The following LEKR1 variants were observed in gnomAD, a reference collection of about 807,000 sequenced individuals.
LEKR1 encodes protein LEKR1.
Under a neutral mutation model 72.4 loss-of-function variants are expected in LEKR1, and 59 were observed. That is an observed-to-expected ratio of 0.82 (90% CI 0.66 to 1.01). LEKR1 has a LOEUF of 1.01. LEKR1 is among the 50% of genes least tolerant of loss of function. The pLI, the probability that LEKR1 is intolerant of heterozygous loss-of-function variation, is 0.00. For missense variants in LEKR1, 728 were observed against 759.2 expected (o/e 0.96, Z 0.48); for synonymous variants, 257 against 263.2 (o/e 0.98, Z 0.23).
chr3:156,950,338 A>G (rs1207491794), intron 6 of LEKR1, among the ~76,000 whole-genome samples: 3 of 151,506 alleles, frequency 2.0e-5, no homozygotes, highest in Non-Finnish European at 4.4e-5. Context: ...TTGATTCCAT[A>G]TGAATTTTTA....
intron 3 of LEKR1, among the ~76,000 whole-genome samples, chr3:156,890,928 C>A (rs564969495): frequency 2.1e-4 from 32 of 148,842 alleles, no homozygotes; most frequent in African/African-American, 7.9e-4. Context: ...GGCATGATCT[C>A]GGCTCACTGC....
intron 6 of LEKR1, among the ~76,000 whole-genome samples, chr3:156,958,874 G>C (rs1727878661): frequency 6.6e-6 from 1 of 151,956 alleles, no homozygotes; most frequent in Non-Finnish European, 1.5e-5. Context: ...AATTTCTCTA[G>C]TTCCAATTAT....
At chr3:156,846,697 G>A (rs62273956) in intron 2 of LEKR1, among the ~76,000 whole-genome samples, 4,845 of 152,204 alleles carry the variant, frequency 0.032, 118 homozygotes, top group Non-Finnish European at 0.047. Context: ...AGAAGGATTA[G>A]TATTTCATAC....
chr3:157,001,286 C>G (rs952772857), intron 9 of LEKR1, among the ~76,000 whole-genome samples: 1 of 152,182 alleles, frequency 6.6e-6, no homozygotes, highest in Non-Finnish European at 1.5e-5. Context: ...ATCAACAGCT[C>G]TCAGAACAAG....
At chr3:156,838,591 C>T (rs344084) in intron 2 of LEKR1, among the ~76,000 whole-genome samples, 128,503 of 152,212 alleles carry the variant, frequency 0.84, 54,411 homozygotes, top group African/African-American at 0.91. Context: ...AGGTTCTGAC[C>T]GTGCTTAGAA....
intron 4 of LEKR1, among the ~76,000 whole-genome samples, chr3:156,926,020 A>G (rs972759876): frequency 6.6e-6 from 1 of 152,104 alleles, no homozygotes; most frequent in African/African-American, 2.4e-5. Context: ...AGCAAATCGT[A>G]ATAACTTTTT....
chr3:157,001,901 C>T (rs545408612), intron 9 of LEKR1, among the ~76,000 whole-genome samples: 3 of 152,172 alleles, frequency 2.0e-5, no homozygotes, highest in Non-Finnish European at 2.9e-5. Flanking sequence ...GACACATAGT[C>T]AGCTCTCAAT....
At chr3:156,953,448 A>T (rs1240597107) in intron 6 of LEKR1, among the ~76,000 whole-genome samples, 1 of 151,608 alleles carries the variant, frequency 6.6e-6, no homozygotes, top group South Asian at 2.1e-4. Flanking sequence ...ATCTCATCCT[A>T]TCACCTAGGT....
chr3:156,875,118 A>G (rs1450323963), intron 3 of LEKR1, among the ~76,000 whole-genome samples: 1 of 152,228 alleles, frequency 6.6e-6, no homozygotes, highest in Non-Finnish European at 1.5e-5. Context: ...ACTGTTTTCC[A>G]TAGTGGTTAT....
intron 9 of LEKR1, among the ~76,000 whole-genome samples, chr3:157,008,594 G>A (rs1264352166): frequency 6.6e-6 from 1 of 152,082 alleles, no homozygotes; most frequent in Admixed American, 6.5e-5. Context: ...ACCAGCCTGC[G>A]TTTTGTGGTT....
intron 5 of LEKR1, among the ~76,000 whole-genome samples, chr3:156,934,370 T>C (rs1725511726): frequency 6.6e-6 from 1 of 152,172 alleles, no homozygotes; most frequent in Non-Finnish European, 1.5e-5. Flanking sequence ...AGATTCCTGA[T>C]AATATTTATA....
intron 3 of LEKR1, among the ~76,000 whole-genome samples, chr3:156,903,802 G>A (rs773915625): frequency 6.6e-6 from 1 of 152,178 alleles, no homozygotes; most frequent in Admixed American, 6.5e-5. Context: ...GAAAGGGATT[G>A]CCTATTGTTT....
At position 156,867,207 on chromosome 3, in the gene LEKR1, T is replaced by G. The variant is rs115984615; in HGVS notation, c.263+14225T>G. ...TTAAATGAAAGGATGTCAAGTAGTA[T>G]AATTCTCTGCTGAGATAGCTTATTA... On this transcript the variant is annotated intron_variant, in intron 3 of 12. Transcript: ENST00000356539. Among the ~76,000 whole-genome samples, 1,400 of 152,234 alleles carry G rather than the reference T, an allele frequency of 9.2e-3. 18 individuals are homozygous for G. The highest frequency in any genetic ancestry group is 0.032 in the African/African-American group (1,318 of 41,544).
rs1294042919 is a variant in LEKR1 at position 156,904,122 on chromosome 3, C to T, written c.264-16453C>T. On this transcript the variant is annotated intron_variant, in intron 3 of 12. Coordinates refer to ENST00000356539, the MANE Select transcript of LEKR1 (RefSeq NM_001004316.3). ...TAATCAATAGAAGAATATTTACCAA[C>T]GCCTACTGGGCATTGTTACCAGAGC... Among the ~76,000 whole-genome samples, 4 of 152,186 alleles carry T rather than the reference C, an allele frequency of 2.6e-5. No homozygotes were observed. In the East Asian group the frequency reaches 5.8e-4, roughly 22 times the overall value.
At chr3:156,894,103 T>C (rs1233895205) in intron 3 of LEKR1, among the ~76,000 whole-genome samples, 7 of 152,238 alleles carry the variant, frequency 4.6e-5, no homozygotes, top group Admixed American at 4.6e-4. Context: ...AAGTCTTTAA[T>C]GGAGCAGACT....
intron 5 of LEKR1, among the ~76,000 whole-genome samples, 173 bp downstream of exon 5, chr3:156,927,777 AG>A (rs1010003109): frequency 1.3e-5 from 2 of 151,978 alleles, no homozygotes; most frequent in African/African-American, 4.8e-5. Context: ...TAATTATTAT[AG>A]GTTTATCTAA....
At chr3:156,987,448 A>G (rs908230950) in intron 7 of LEKR1, among the ~76,000 whole-genome samples, 3 of 152,244 alleles carry the variant, frequency 2.0e-5, no homozygotes, top group Non-Finnish European at 4.4e-5. Context: ...GAAAGTGTAC[A>G]TAACAGTCTG....
At chr3:157,021,319 A>C (rs1219836284) in intron 10 of LEKR1, among the ~76,000 whole-genome samples, 1 of 151,710 alleles carries the variant, frequency 6.6e-6, no homozygotes, top group Non-Finnish European at 1.5e-5. Flanking sequence ...TTTTGTTGCC[A>C]TTGCTTTTGG....
intron 10 of LEKR1, among the ~76,000 whole-genome samples, chr3:157,019,150 C>CA (rs1294884177): frequency 7.9e-5 from 12 of 151,942 alleles, no homozygotes; most frequent in African/African-American, 2.9e-4. Flanking sequence ...CAAATATAAG[C>CA]AAATTATTTG....
Sources: gnomAD v4.1 joint callset for allele counts (sites outside exome capture counted in the v4.1 genomes callset) on GRCh38, gnomAD v4.1.1 for gene constraint, MANE v1.5 for transcripts, NCBI Gene and HGNC (gene_info 2026-07-23, HGNC 2026-07-21) for gene names.